The following ARMC8 variants were observed in gnomAD, a reference collection of about 807,000 sequenced individuals.
The protein encoded by ARMC8 is armadillo repeat-containing protein 8.
A neutral mutation model predicts 99.3 loss-of-function variants in ARMC8; 20 were observed. The ratio of observed to expected loss-of-function variants is 0.20; its 90% CI spans 0.14 to 0.29. The LOEUF (loss-of-function observed/expected upper bound fraction) is 0.29. Among genes scored for constraint, ARMC8 ranks in the 10% least tolerant of loss-of-function variants. The pLI, the probability that ARMC8 is intolerant of heterozygous loss-of-function variation, is 1.00. For missense variants in ARMC8, 569 were observed against 809.5 expected, an observed-to-expected ratio of 0.70 and a Z score of 3.60; for synonymous variants, 263 against 278.3, an observed-to-expected ratio of 0.95 and a Z score of 0.55.
chr3:138,224,531 C>T (rs1002251275), intron 5 of ARMC8, among the ~76,000 whole-genome samples: 2 of 152,182 alleles, frequency 1.3e-5, no homozygotes, highest in African/African-American at 2.4e-5. Context: ...GGATATATCA[C>T]CTGAGGCCAG....
chr3:138,204,065 C>A (rs975430971), intron 1 of ARMC8, among the ~76,000 whole-genome samples: 2 of 152,156 alleles, frequency 1.3e-5, no homozygotes, highest in South Asian at 2.1e-4. Context: ...TTTTTACTTT[C>A]CAAAAATAGA....
chr3:138,248,447 G>T (rs1242839251), intron 12 of ARMC8, among the ~76,000 whole-genome samples: 1 of 152,180 alleles, frequency 6.6e-6, no homozygotes, highest in Non-Finnish European at 1.5e-5. Flanking sequence ...TCTAATGATA[G>T]CCTTTACCAT....
chr3:138,249,845 A>G (rs1260573860), intron 12 of ARMC8, among the ~76,000 whole-genome samples: 1 of 152,230 alleles, frequency 6.6e-6, no homozygotes, highest in Non-Finnish European at 1.5e-5. Flanking sequence ...AGGAATGACC[A>G]GTAAGAATTT....
At chr3:138,276,658 CA>C (rs141815144) in intron 18 of ARMC8, among the ~76,000 whole-genome samples, 1,573 of 152,256 alleles carry the variant, frequency 0.01, 26 homozygotes, top group African/African-American at 0.036. Flanking sequence ...AGATATTAAA[CA>C]GTACCATTTG....
chr3:138,248,673 A>AT (rs2046989165), intron 12 of ARMC8, among the ~76,000 whole-genome samples: 1 of 152,182 alleles, frequency 6.6e-6, no homozygotes, highest in African/African-American at 2.4e-5. Context: ...CCATCACTTG[A>AT]TTAGGACCTG....
chr3:138,221,982 TA>T lies in ARMC8; in HGVS notation c.180del (p.Gly61GlufsTer19). 1.2e-6 allele frequency: 2 copies of T among 1,613,576 alleles called. No homozygotes were observed. The highest frequency in any genetic ancestry group is 1.7e-6 in the Non-Finnish European group (2 of 1,179,570). On this transcript the variant is annotated frameshift_variant, in exon 3 of 22. Coordinates refer to ENST00000469044, the MANE Select transcript of ARMC8 (RefSeq NM_001363941.2). LOFTEE classifies it high-confidence loss of function. ...AAGCAGAAAGCCAATCTCATTGTTT[TA>T]GGAGCTGTTCCAAGGTATGTTTGCT... ...NNKQKANLIV[L>X]GAVPRLLYLL... is the part of the protein sequence containing the mutation.
intron 17 of ARMC8, among the ~76,000 whole-genome samples, chr3:138,273,520 C>T (rs560638940): frequency 6.6e-6 from 1 of 152,324 alleles, no homozygotes; most frequent in South Asian, 2.1e-4. Flanking sequence ...CATAGACCAT[C>T]TCCCTACCCA....
intron 16 of ARMC8, among the ~76,000 whole-genome samples, chr3:138,270,556 T>A (rs1157918702): frequency 6.6e-6 from 1 of 151,978 alleles, no homozygotes; most frequent in Non-Finnish European, 1.5e-5. Flanking sequence ...AGAATGATTA[T>A]TTTTTTTAAT....
intron 12 of ARMC8, among the ~76,000 whole-genome samples, chr3:138,255,157 C>G (rs535319427): frequency 2.0e-5 from 3 of 151,720 alleles, no homozygotes; most frequent in African/African-American, 7.2e-5. Context: ...ACTATTTCCT[C>G]CCACCCCATG....
In ARMC8 at chr3:138,264,187, A is replaced by G. The variant is rs1379217290; in HGVS notation, c.1274A>G (p.His425Arg). ...VQQLRTSFQD[H>R]AVWKPLMKVL... Reference sequence around the variant, plus strand: ...CAGCTTCGAACCAGTTTCCAGGATCATGCTGTTTGGAAACCTTTAATGAAG... The same window carrying G: ...CAGCTTCGAACCAGTTTCCAGGATCGTGCTGTTTGGAAACCTTTAATGAAG... The change falls in exon 14 of 22, where the codon CAT becomes CGT. Residue 425 changes from histidine (H) to arginine (R), a missense_variant. Around this residue, in one of 2 missense-constraint regions of ARMC8, gnomAD observed 227 missense variants for 417.9 expected, o/e 0.54. Transcript: ENST00000469044. 6.2e-7 allele frequency: 1 copy of G among 1,613,974 alleles called. No homozygotes were observed. Among genetic ancestry groups the G allele is most frequent in the East Asian group, 2.2e-5 (1 of 44,870 alleles).
At chr3:138,194,877 A>G (rs1482056228) in intron 1 of ARMC8, among the ~76,000 whole-genome samples, 7 of 152,196 alleles carry the variant, frequency 4.6e-5, no homozygotes, top group African/African-American at 1.7e-4. Flanking sequence ...GGTTTTTAGT[A>G]ATAAATGCAA....
chr3:138,266,568 T>C (rs2048306207), intron 14 of ARMC8, among the ~76,000 whole-genome samples: 5 of 152,222 alleles, frequency 3.3e-5, no homozygotes, highest in Admixed American at 3.3e-4. Context: ...TAAATAGTTC[T>C]ATCAAGGAGG....
Position 138,274,437 on chromosome 3 carries a change from A to G in ARMC8, c.1630-12A>G. 1.3e-6 allele frequency: 2 copies of G among 1,534,496 alleles called. No homozygotes were observed. Among genetic ancestry groups the G allele is most frequent in the South Asian group, 1.1e-5 (1 of 87,104 alleles). On this transcript the variant is annotated splice_polypyrimidine_tract_variant and intron_variant, in intron 17 of 21. Coordinates refer to ENST00000469044, the MANE Select transcript of ARMC8 (RefSeq NM_001363941.2). The stretch of plus-strand genomic sequence containing the variant: ...TTTCTTTGATAATTATGGATTTCCC[A>G]TTGTTTTACAGCATATAGATAAAAT...
chr3:138,262,669 C>T, intron 12 of ARMC8: 2 of 1,336,794 alleles, frequency 1.5e-6, no homozygotes, highest in Non-Finnish European at 9.9e-7. Flanking sequence ...TGCTGTATGG[C>T]CTGGACATAG....
rs1322849596 is a variant in ARMC8, at chr3:138,223,377, C to T, written c.195-12C>T. 1.2e-6 allele frequency: 2 copies of T among 1,611,480 alleles called. No homozygotes were observed. Among genetic ancestry groups the T allele is most frequent in the Non-Finnish European group, 1.7e-6 (2 of 1,179,258 alleles). ...TTTTAGTCTCTTCGTTTATTAAGTT[C>T]CTTCTTTTTAGATTGTTGTACTTGC... On this transcript the variant is annotated splice_polypyrimidine_tract_variant and intron_variant, in intron 3 of 21. Coordinates refer to ENST00000469044, the MANE Select transcript of ARMC8 (RefSeq NM_001363941.2).
In ARMC8 at chr3:138,296,892, AT is replaced by A. The variant is rs1221447504; in HGVS notation, c.*1003del. The A allele has an allele frequency of 1.9e-4, 29 of 152,220 alleles. No homozygotes were observed. The highest frequency in any genetic ancestry group is 7.0e-4 in the African/African-American group (29 of 41,450). The allele number at this position is 152,220 out of a possible 1,614,324, so 9.4% of individuals were successfully genotyped here. ...ATTGGTATTAGCAATATCTGGCCAGATTTAGAACCAGTCATGGAAACTTGTG... is the reference window on the plus strand; with the variant it reads ...ATTGGTATTAGCAATATCTGGCCAGATTAGAACCAGTCATGGAAACTTGTG... On this transcript the variant is annotated 3_prime_UTR_variant, in exon 22 of 22. Transcript: ENST00000469044.
chr3:138,261,466 CA>C (rs2047735420), intron 12 of ARMC8: 1 of 152,048 alleles, frequency 6.6e-6, no homozygotes, highest in Admixed American at 6.6e-5. Flanking sequence ...ACATCCATGT[CA>C]TATTTATTAG....
At chr3:138,242,975 A>G (rs1340402528) in intron 11 of ARMC8, among the ~76,000 whole-genome samples, 1 of 152,186 alleles carries the variant, frequency 6.6e-6, no homozygotes, top group Non-Finnish European at 1.5e-5. Flanking sequence ...GTGTTTTTCC[A>G]GTAGAAGTGA....
intron 12 of ARMC8, among the ~76,000 whole-genome samples, chr3:138,249,324 GA>G (rs1190369560): frequency 6.6e-6 from 1 of 151,780 alleles, no homozygotes; most frequent in Admixed American, 6.6e-5. Flanking sequence ...TTAGCATAGA[GA>G]AAAATGCAGG....
Sources: gnomAD v4.1 joint callset for allele counts (sites outside exome capture counted in the v4.1 genomes callset) on GRCh38, gnomAD v4.1.1 for gene constraint, gnomAD v4.1.1 regional missense constraint, MANE v1.5 for transcripts, NCBI Gene and HGNC (gene_info 2026-07-23, HGNC 2026-07-21) for gene names.